The following ARHGAP26 variants were observed in gnomAD, a reference collection of about 807,000 sequenced individuals.
The protein encoded by ARHGAP26 is Rho GTPase activating protein 26.
Under a neutral mutation model 104.8 loss-of-function variants are expected in ARHGAP26, and 38 were observed. The observed-to-expected ratio is 0.36, with a 90% CI of 0.28 to 0.48. The LOEUF is 0.48. Ranked by LOEUF, ARHGAP26 falls within the 20% of genes least tolerant of loss-of-function variation. The pLI is 0.99. For synonymous variants in ARHGAP26, 341 were observed against 340.0 expected (o/e 1.00, Z -0.03); for missense variants, 704 against 947.9 (o/e 0.74, Z 3.38).
intron 1 of ARHGAP26, among the ~76,000 whole-genome samples, chr5:142,793,584 A>AT (rs1055025941): frequency 6.6e-6 from 1 of 151,120 alleles, no homozygotes; most frequent in Non-Finnish European, 1.5e-5. Context: ...TTATTTATTT[A>AT]TTTTTTCTTT....
rs546728334 is a variant in ARHGAP26, at chr5:143,201,975, T to C, written c.1989-5223T>C. Among the ~76,000 whole-genome samples, 3 of 152,358 alleles carry C rather than the reference T, an allele frequency of 2.0e-5. No homozygotes were observed. In the South Asian group the frequency reaches 6.2e-4, roughly 32 times the overall value. ...TGAGTTCAAGTCCTGAATATCCTTG[T>C]TAATTTTCTATCTTGATCTGTCTAA... On this transcript the variant is annotated intron_variant, in intron 20 of 22. Transcript: ENST00000645722.
At chr5:142,799,226 A>T (rs1761581645) in intron 1 of ARHGAP26, among the ~76,000 whole-genome samples, 1 of 151,188 alleles carries the variant, frequency 6.6e-6, no homozygotes, top group South Asian at 2.1e-4. Context: ...ATGTATCTTT[A>T]TTTTCTTTAG....
intron 22 of ARHGAP26, among the ~76,000 whole-genome samples, chr5:143,217,770 G>A (rs75063083): frequency 2.6e-5 from 4 of 152,286 alleles, no homozygotes; most frequent in South Asian, 2.1e-4. Flanking sequence ...TCACCTGGGC[G>A]CTTCCACTGG....
rs538946784 is a variant in ARHGAP26 at position 143,228,609 on chromosome 5, A to C, written c.*6163A>C. On this transcript the variant is annotated 3_prime_UTR_variant, in exon 23 of 23. Coordinates refer to ENST00000645722, the MANE Select transcript of ARHGAP26 (RefSeq NM_001135608.3). Reference sequence around the variant, plus strand: ...TGGAAAAGAAAATATTTGCATGTTTAATTCATAATTTAGGCTATCTTTGAG... The same window carrying C: ...TGGAAAAGAAAATATTTGCATGTTTCATTCATAATTTAGGCTATCTTTGAG... The C allele has an allele frequency of 4.7e-6, 1 of 213,222 alleles. No homozygotes were observed. The highest frequency in any genetic ancestry group is 1.9e-4 in the South Asian group (1 of 5,336). The allele number at this position is 213,222 out of a possible 1,614,324, so 13.2% of individuals were successfully genotyped here.
At chr5:142,957,846 T>G (rs1769515986) in intron 11 of ARHGAP26, among the ~76,000 whole-genome samples, 1 of 152,250 alleles carries the variant, frequency 6.6e-6, no homozygotes, top group Non-Finnish European at 1.5e-5. Flanking sequence ...CTCTTACCCC[T>G]TCCAGTTCTT....
At chr5:143,192,962 C>A (rs983845157) in intron 20 of ARHGAP26, among the ~76,000 whole-genome samples, 2 of 152,180 alleles carry the variant, frequency 1.3e-5, no homozygotes, top group Non-Finnish European at 2.9e-5. Flanking sequence ...AGGCGCTCCT[C>A]ATCTACGGTT....
At position 142,770,930 on chromosome 5, in the gene ARHGAP26, C is replaced by A; in HGVS notation, c.154+15C>A. The A allele has an allele frequency of 6.3e-7, 1 of 1,597,358 alleles. No homozygotes were observed. Among genetic ancestry groups the A allele is most frequent in the Non-Finnish European group, 8.5e-7 (1 of 1,170,900 alleles). On this transcript the variant is annotated intron_variant, in intron 1 of 22. Transcript: ENST00000645722. ...CGCGCTCAAGAGTGAGTGTCCCGAG[C>A]CCCTCGGGGACGCGGCTCCGGGGCG...
At chr5:142,774,451 A>G (rs1387571644) in intron 1 of ARHGAP26, among the ~76,000 whole-genome samples, 1 of 151,912 alleles carries the variant, frequency 6.6e-6, no homozygotes, top group African/African-American at 2.4e-5. Flanking sequence ...AGATTCACAG[A>G]AAAATTGAGT....
At chr5:143,221,328 G>A (rs923043908) in intron 22 of ARHGAP26, among the ~76,000 whole-genome samples, 1 of 151,636 alleles carries the variant, frequency 6.6e-6, no homozygotes, top group East Asian at 1.9e-4. Context: ...GGTATATAGA[G>A]GAGGGGGAAA....
chr5:143,203,498 G>T (rs1376790643), intron 20 of ARHGAP26: 1 of 152,214 alleles, frequency 6.6e-6, no homozygotes, highest in African/African-American at 2.4e-5. Context: ...TTCAACCATT[G>T]TGGAAGACAG....
chr5:142,928,658 G>C (rs1764262073), intron 10 of ARHGAP26, among the ~76,000 whole-genome samples: 1 of 152,188 alleles, frequency 6.6e-6, no homozygotes, highest in African/African-American at 2.4e-5. Context: ...TTGTGGACAA[G>C]ATACTTAACC....
intron 1 of ARHGAP26, among the ~76,000 whole-genome samples, chr5:142,818,122 G>T (rs189719084): frequency 6.6e-6 from 1 of 152,074 alleles, no homozygotes. Flanking sequence ...TTGGGTATTG[G>T]CAGGCTTCCT....
intron 1 of ARHGAP26, among the ~76,000 whole-genome samples, chr5:142,783,820 TAAG>T (rs1401091234): frequency 2.0e-5 from 3 of 152,362 alleles, no homozygotes; most frequent in African/African-American, 7.2e-5. Context: ...ATTTGCTTCT[TAAG>T]AAAATCTGTG....
At chr5:143,220,687 A>C (rs976108164) in intron 22 of ARHGAP26, among the ~76,000 whole-genome samples, 1 of 152,238 alleles carries the variant, frequency 6.6e-6, no homozygotes, top group Admixed American at 6.5e-5. Flanking sequence ...ATGAACCCAA[A>C]GTATCCTTGC....
intron 12 of ARHGAP26, 23 bp from the exon 13 acceptor site, chr5:143,037,173 C>T (rs1339456204): frequency 1.3e-6 from 2 of 1,585,850 alleles, no homozygotes; most frequent in Admixed American, 3.4e-5. Flanking sequence ...AGCAACTTGA[C>T]TGTCCTTCTC....
At position 142,916,080 on chromosome 5, in the gene ARHGAP26, A is replaced by G. The variant is rs180764256; in HGVS notation, c.1028+2787A>G. Among the ~76,000 whole-genome samples, 1,040 of 152,316 alleles carry G rather than the reference A, an allele frequency of 6.8e-3. 13 individuals carry two copies. Among genetic ancestry groups the G allele is most frequent in the African/African-American group, 0.024 (993 of 41,556 alleles). On this transcript the variant is annotated intron_variant, in intron 10 of 22. Coordinates refer to ENST00000645722, the MANE Select transcript of ARHGAP26 (RefSeq NM_001135608.3). ...CACCTAGGAAATGTGGAAGTGAAAG[A>G]GGGGATGGTTATATTTAATCGCATA...
chr5:143,056,834 T>C (rs1201378459), intron 16 of ARHGAP26, among the ~76,000 whole-genome samples: 2 of 152,210 alleles, frequency 1.3e-5, no homozygotes, highest in Non-Finnish European at 2.9e-5. Flanking sequence ...ACTGGCCTAA[T>C]TTAGTAGTAC....
chr5:143,054,581 A>C (rs1785521404), intron 15 of ARHGAP26, 55 bp downstream of exon 15: 15 of 1,321,796 alleles, frequency 1.1e-5, no homozygotes, highest in Non-Finnish European at 1.6e-5. Context: ...TGCAATCAGG[A>C]AGAAAGCAGT....
chr5:143,158,420 A>C (rs1182708626), intron 20 of ARHGAP26, among the ~76,000 whole-genome samples: 3 of 152,216 alleles, frequency 2.0e-5, no homozygotes, highest in African/African-American at 7.2e-5. Flanking sequence ...CGTTGGGTGG[A>C]GCCAACTGGA....
Sources: gnomAD v4.1 joint callset for allele counts (sites outside exome capture counted in the v4.1 genomes callset) on GRCh38, gnomAD v4.1.1 for gene constraint, MANE v1.5 for transcripts, NCBI Gene and HGNC (gene_info 2026-07-23, HGNC 2026-07-21) for gene names.